Variants in PDGFRA observed in about 807,000 individuals in gnomAD.
PDGFRA encodes platelet derived growth factor receptor alpha.
PDGFRA carries 25 observed loss-of-function variants against 121.5 expected under a neutral mutation model. The observed-to-expected ratio is 0.21, with a 90% CI of 0.15 to 0.29. The LOEUF is 0.29. Among genes scored for constraint, PDGFRA ranks in the 10% least tolerant of loss-of-function variants. The pLI is 1.00. For synonymous variants in PDGFRA, 463 were observed against 494.8 expected (o/e 0.94, Z 0.85); for missense variants, 1,008 against 1,345.1 (o/e 0.75, Z 3.92).
chr4:54,289,559 C>A (rs530710581), intron 21 of PDGFRA, among the ~76,000 whole-genome samples: 1 of 152,322 alleles, frequency 6.6e-6, no homozygotes, highest in Non-Finnish European at 1.5e-5. Context: ...AATGTAATTT[C>A]TTGGAACCAG....
intron 22 of PDGFRA, among the ~76,000 whole-genome samples, chr4:54,292,407 C>T (rs1724675453): frequency 6.6e-6 from 1 of 152,168 alleles, no homozygotes; most frequent in Admixed American, 6.5e-5. Flanking sequence ...CGTCAGCAAA[C>T]TAACACAGGA....
chr4:54,255,641 G>A (rs987513890), intron 1 of PDGFRA, among the ~76,000 whole-genome samples: 5 of 151,826 alleles, frequency 3.3e-5, no homozygotes, highest in African/African-American at 1.2e-4. Flanking sequence ...GAGTAGCGGG[G>A]ACTACAGGTG....
At chr4:54,243,946 CAG>C (rs901383892) in intron 1 of PDGFRA, among the ~76,000 whole-genome samples, 8 of 152,358 alleles carry the variant, frequency 5.3e-5, no homozygotes, top group African/African-American at 1.9e-4. Context: ...CCTACGCCCA[CAG>C]AGTCTCGCTG....
intron 18 of PDGFRA, 63 bp downstream of exon 18, chr4:54,286,026 G>T: frequency 6.4e-7 from 1 of 1,551,514 alleles, no homozygotes; most frequent in South Asian, 1.1e-5. Context: ...CTAAAGTCAG[G>T]TGTTGCTTCT....
chr4:54,257,486 T>C (rs2110231838), intron 1 of PDGFRA, among the ~76,000 whole-genome samples: 1 of 152,260 alleles, frequency 6.6e-6, no homozygotes, highest in Admixed American at 6.5e-5. Context: ...TCTCCAATTT[T>C]GGGATTCACC....
intron 1 of PDGFRA, among the ~76,000 whole-genome samples, chr4:54,254,779 A>G (rs1042479797): frequency 6.6e-6 from 1 of 152,182 alleles, no homozygotes; most frequent in Admixed American, 6.5e-5. Context: ...TCTGGATCCC[A>G]CTGTGCCTAA....
intron 18 of PDGFRA, 30 bp downstream of exon 18, chr4:54,285,993 C>T (rs1325715750): frequency 6.2e-7 from 1 of 1,609,192 alleles, no homozygotes; most frequent in Non-Finnish European, 8.5e-7. Context: ...ACTGGTCAGG[C>T]TCATCCTCCT....
chr4:54,295,695 C>G lies in PDGFRA; in HGVS notation c.*423C>G. 3.5e-6 allele frequency: 1 copy of G among 288,074 alleles called. No homozygotes were observed. Among genetic ancestry groups the G allele is most frequent in the East Asian group, 5.1e-5 (1 of 19,682 alleles). 17.8% of individuals were successfully genotyped at this position (288,074 alleles called of 1,614,324 possible). On this transcript the variant is annotated 3_prime_UTR_variant, in exon 23 of 23. Coordinates refer to ENST00000257290, the MANE Select transcript of PDGFRA (RefSeq NM_006206.6). Reference sequence around the variant, plus strand: ...TATCTTCTTTGGACTTCTGAAGAGACCACTCAATCCATCCATGTACTTCCC... The same window carrying G: ...TATCTTCTTTGGACTTCTGAAGAGAGCACTCAATCCATCCATGTACTTCCC...
intron 16 of PDGFRA, chr4:54,281,503 T>C: frequency 1.0e-6 from 1 of 1,004,258 alleles, no homozygotes; most frequent in Non-Finnish European, 1.4e-6. Context: ...TTTTAAAAGA[T>C]TAGCCAGTGA....
intron 1 of PDGFRA, among the ~76,000 whole-genome samples, chr4:54,231,119 C>G (rs949206620): frequency 6.6e-6 from 1 of 152,172 alleles, no homozygotes; most frequent in Admixed American, 6.5e-5. Context: ...GCCAGAGCGC[C>G]GGTCCCGCAC....
chr4:54,260,953 C>A (rs757284224), intron 2 of PDGFRA, 142 bp from the exon 3 acceptor site: 24 of 702,574 alleles, frequency 3.4e-5, no homozygotes, highest in Non-Finnish European at 5.3e-5. Flanking sequence ...AATGGGGGAG[C>A]TTTCATGGGC....
intron 18 of PDGFRA, 144 bp from the exon 19 acceptor site, chr4:54,287,286 C>A (rs903723617): frequency 1.1e-5 from 8 of 733,850 alleles, no homozygotes; most frequent in African/African-American, 1.0e-4. Flanking sequence ...CAGTAATGAA[C>A]AAAACACATG....
intron 7 of PDGFRA, among the ~76,000 whole-genome samples, chr4:54,270,081 G>A (rs1392135653): frequency 6.6e-6 from 1 of 152,008 alleles, no homozygotes; most frequent in Non-Finnish European, 1.5e-5. Context: ...TCCCCACAGG[G>A]AAACATCTTC....
chr4:54,276,326 C>G (rs1331023559), intron 12 of PDGFRA, among the ~76,000 whole-genome samples: 1 of 146,470 alleles, frequency 6.8e-6, no homozygotes, highest in Non-Finnish European at 1.5e-5. Context: ...TTCAGAGACA[C>G]TGATTCGAGT....
At chr4:54,286,390 C>G (rs530282761) in intron 18 of PDGFRA, among the ~76,000 whole-genome samples, 23 of 151,750 alleles carry the variant, frequency 1.5e-4, no homozygotes, top group South Asian at 1.5e-3. Flanking sequence ...GAGTCTCACT[C>G]TGTCACCCAG....
chr4:54,278,165 A>ATTGGTT (rs1723846260), intron 14 of PDGFRA, 159 bp downstream of exon 14: 2 of 706,184 alleles, frequency 2.8e-6, no homozygotes, highest in Non-Finnish European at 4.9e-6. Context: ...ATGGAAGCTC[A>ATTGGTT]TTGGTTTTTG....
At chr4:54,233,277 G>C (rs1198745756) in intron 1 of PDGFRA, among the ~76,000 whole-genome samples, 1 of 152,220 alleles carries the variant, frequency 6.6e-6, no homozygotes, top group Non-Finnish European at 1.5e-5. Flanking sequence ...GGGAGGGAGA[G>C]CGGACCGCGC....
At chr4:54,267,866 G>A in intron 7 of PDGFRA, 125 bp downstream of exon 7, 2 of 771,760 alleles carry the variant, frequency 2.6e-6, no homozygotes, top group South Asian at 2.9e-5. Flanking sequence ...TGAGTTAAGA[G>A]ATGCTTGAAA....
chr4:54,285,799 C>G (rs1218113433), intron 17 of PDGFRA, 42 bp from the exon 18 acceptor site: 11 of 1,610,084 alleles, frequency 6.8e-6, no homozygotes, highest in Non-Finnish European at 9.3e-6. Flanking sequence ...TATTCAGCTA[C>G]AGATGGCTTG....
Sources: gnomAD v4.1 joint callset for allele counts (sites outside exome capture counted in the v4.1 genomes callset) on GRCh38, gnomAD v4.1.1 for gene constraint, MANE v1.5 for transcripts, NCBI Gene and HGNC (gene_info 2026-07-23, HGNC 2026-07-21) for gene names.